The following TNKS variants were observed in gnomAD, a reference collection of about 807,000 sequenced individuals.
TNKS encodes the protein poly [ADP-ribose] polymerase tankyrase-1.
In TNKS, 72 loss-of-function variants were observed where a neutral mutation model predicts 135.8. That is an observed-to-expected ratio of 0.53 (90% CI 0.44 to 0.64). The LOEUF (loss-of-function observed/expected upper bound fraction) is 0.64, where lower values mean the gene tolerates loss of function less well. Ranked by LOEUF, TNKS falls within the 30% of genes least tolerant of loss-of-function variation. The pLI, the probability that TNKS is intolerant of heterozygous loss-of-function variation, is 0.00. For synonymous variants in TNKS, 849 were observed against 649.3 expected (o/e 1.31, Z -4.68); for missense variants, 1,769 against 1,674.0 (o/e 1.06, Z -0.99).
intron 3 of TNKS, among the ~76,000 whole-genome samples, chr8:9,674,865 A>G (rs1802471162): frequency 6.6e-6 from 1 of 152,214 alleles, no homozygotes; most frequent in Non-Finnish European, 1.5e-5. Context: ...TTCAGTGTTT[A>G]GATTGGCCAT....
chr8:9,701,248 A>C (rs1450370453), intron 5 of TNKS, among the ~76,000 whole-genome samples: 2 of 152,206 alleles, frequency 1.3e-5, no homozygotes, highest in African/African-American at 4.8e-5. Flanking sequence ...GCCCTTTTAA[A>C]TAAACTGTAG....
intron 17 of TNKS, among the ~76,000 whole-genome samples, chr8:9,741,932 A>C (rs1441118285): frequency 6.6e-6 from 1 of 152,236 alleles, no homozygotes; most frequent in Non-Finnish European, 1.5e-5. Context: ...AAGTAAGAAA[A>C]AATAATGAAC....
intron 5 of TNKS, among the ~76,000 whole-genome samples, chr8:9,689,690 G>A (rs1164195766): frequency 6.6e-6 from 1 of 152,124 alleles, no homozygotes; most frequent in African/African-American, 2.4e-5. Context: ...TTATAGAAAT[G>A]CAGAAACAAC....
chr8:9,708,536 A>T, intron 9 of TNKS, 44 bp downstream of exon 9: 1 of 1,426,002 alleles, frequency 7.0e-7, no homozygotes, highest in Non-Finnish European at 9.3e-7. Flanking sequence ...TATAATAATA[A>T]CGTAAGCACA....
At chr8:9,770,312 G>A (rs761027011) in intron 26 of TNKS, 50 bp downstream of exon 26, 1 of 1,560,510 alleles carries the variant, frequency 6.4e-7, no homozygotes, top group South Asian at 1.2e-5. Context: ...CATGTCAATA[G>A]AGCACAGAGA....
At chr8:9,717,054 G>T (rs1334704127) in intron 11 of TNKS, among the ~76,000 whole-genome samples, 1 of 74,794 alleles carries the variant, frequency 1.3e-5, no homozygotes. Context: ...AACCACCAAA[G>T]ATAATCTGTT....
chr8:9,620,021 C>G (rs1351173050), intron 3 of TNKS, among the ~76,000 whole-genome samples: 2 of 151,704 alleles, frequency 1.3e-5, no homozygotes, highest in African/African-American at 4.8e-5. Flanking sequence ...GCTATCTTGG[C>G]TCACTGCAAC....
At chr8:9,560,986 A>G (rs987700340) in intron 1 of TNKS, among the ~76,000 whole-genome samples, 1 of 152,210 alleles carries the variant, frequency 6.6e-6, no homozygotes, top group African/African-American at 2.4e-5. Flanking sequence ...ATAAGATGAT[A>G]TGTAAATTTA....
At chr8:9,565,609 C>T (rs2129050160) in intron 1 of TNKS, among the ~76,000 whole-genome samples, 1 of 152,192 alleles carries the variant, frequency 6.6e-6, no homozygotes, top group East Asian at 1.9e-4. Flanking sequence ...GCCTGTAATC[C>T]CAGCACTTTG....
chr8:9,617,212 T>C (rs918535377), intron 3 of TNKS, among the ~76,000 whole-genome samples: 1 of 152,210 alleles, frequency 6.6e-6, no homozygotes, highest in African/African-American at 2.4e-5. Context: ...ATATTGGATG[T>C]TGTTAGTTTG....
intron 3 of TNKS, among the ~76,000 whole-genome samples, chr8:9,622,158 C>G (rs1799890891): frequency 6.6e-6 from 1 of 152,102 alleles, no homozygotes; most frequent in Admixed American, 6.5e-5. Flanking sequence ...ATGTAAAACT[C>G]ACACCTTTTA....
intron 1 of TNKS, among the ~76,000 whole-genome samples, chr8:9,571,185 C>G (rs536331070): frequency 5.5e-4 from 83 of 152,254 alleles, no homozygotes; most frequent in African/African-American, 1.8e-3. Flanking sequence ...ACACCAAAAA[C>G]TATCAGCAGA....
intron 5 of TNKS, among the ~76,000 whole-genome samples, chr8:9,695,422 A>C (rs542465292): frequency 2.0e-5 from 3 of 152,270 alleles, no homozygotes; most frequent in Admixed American, 2.0e-4. Flanking sequence ...TTTGAGTTGC[A>C]TGAAGTGGAG....
intron 2 of TNKS, among the ~76,000 whole-genome samples, chr8:9,604,785 A>T (rs1281454885): frequency 6.6e-6 from 1 of 151,208 alleles, no homozygotes; most frequent in Non-Finnish European, 1.5e-5. Context: ...TTTTATTTTT[A>T]TTTTTATTTT....
chr8:9,731,051 T>C lies in TNKS; in HGVS notation c.2147+16T>C. 6.3e-7 allele frequency: 1 copy of C among 1,576,494 alleles called. No homozygotes were observed. ...AAGACAAGGGGTACGTGTTAGAAGT[T>C]AGCTGTTTGGGAGTCATTCTCTTCA... On this transcript the variant is annotated intron_variant, in intron 14 of 26. Transcript: ENST00000310430.
intron 20 of TNKS, among the ~76,000 whole-genome samples, chr8:9,756,627 G>A (rs1806845605): frequency 6.6e-6 from 1 of 152,108 alleles, no homozygotes; most frequent in Non-Finnish European, 1.5e-5. Flanking sequence ...GAAGCAACAT[G>A]TCTAAAATCC....
chr8:9,585,798 C>T (rs1435040343), intron 2 of TNKS, among the ~76,000 whole-genome samples: 4 of 152,124 alleles, frequency 2.6e-5, no homozygotes, highest in African/African-American at 9.7e-5. Context: ...TGAGGGGATC[C>T]TCACTGAATA....
chr8:9,623,917 G>A (rs1799959189), intron 3 of TNKS, among the ~76,000 whole-genome samples: 1 of 152,080 alleles, frequency 6.6e-6, no homozygotes, highest in Admixed American at 6.5e-5. Flanking sequence ...CTGGAGAATT[G>A]CTTGAACCCG....
chr8:9,577,290 G>C (rs1030256765), intron 1 of TNKS, among the ~76,000 whole-genome samples: 3 of 151,876 alleles, frequency 2.0e-5, no homozygotes, highest in Non-Finnish European at 4.4e-5. Flanking sequence ...TAGGACAAAT[G>C]TACAAGGAAA....
Sources: gnomAD v4.1 joint callset for allele counts (sites outside exome capture counted in the v4.1 genomes callset) on GRCh38, gnomAD v4.1.1 for gene constraint, MANE v1.5 for transcripts, NCBI Gene and HGNC (gene_info 2026-07-23, HGNC 2026-07-21) for gene names.